Variants in EXTL3 observed in about 807,000 individuals in gnomAD.
EXTL3 encodes the protein exostosin-like 3.
In EXTL3, 27 loss-of-function variants were observed where a neutral mutation model predicts 69.3. That is an observed-to-expected ratio of 0.39 (90% confidence interval 0.29 to 0.54). EXTL3 has a LOEUF of 0.54. EXTL3 is among the 20% of genes least tolerant of loss of function. EXTL3 has a pLI of 0.69. For synonymous variants in EXTL3, 511 were observed against 499.4 expected, an observed-to-expected ratio of 1.02 and a Z score of -0.31; for missense variants, 1,003 against 1,231.8, an observed-to-expected ratio of 0.81 and a Z score of 2.78.
intron 2 of EXTL3, among the ~76,000 whole-genome samples, chr8:28,617,658 C>T (rs776571753): frequency 6.6e-6 from 1 of 152,176 alleles, no homozygotes; most frequent in Non-Finnish European, 1.5e-5. Context: ...ATGGCACATG[C>T]CTGTAGTCCC....
intron 6 of EXTL3, among the ~76,000 whole-genome samples, chr8:28,749,995 A>C (rs1053662908): frequency 5.3e-5 from 8 of 152,166 alleles, no homozygotes; most frequent in Middle Eastern, 3.2e-3. Flanking sequence ...ATTTCTTATT[A>C]CAGGCTCTGC....
chr8:28,654,195 A>T (rs1806970242), intron 1 of EXTL3, among the ~76,000 whole-genome samples: 2 of 152,214 alleles, frequency 1.3e-5, no homozygotes, highest in African/African-American at 4.8e-5. Context: ...AAGTTTAGCT[A>T]AAAAGGGAGA....
chr8:28,684,720 C>T (rs1807548543), intron 1 of EXTL3, among the ~76,000 whole-genome samples: 1 of 151,954 alleles, frequency 6.6e-6, no homozygotes, highest in Non-Finnish European at 1.5e-5. Flanking sequence ...GCAGCCTGGG[C>T]AACAGAGTGA....
Position 28,676,897 on chromosome 8 carries a change from G to A in EXTL3, c.-52-36560G>A, listed in dbSNP as rs565808951. On this transcript the variant is annotated intron_variant, in intron 1 of 6. Coordinates refer to the EXTL3 transcript ENST00000523149. ...TCGGATTCAGTAGGTCTGGGTGAGC[G>A]TGAGAACTGCATTTCAAATCTGGCT... Among the ~76,000 whole-genome samples, 10 of 152,170 alleles carry A rather than the reference G, an allele frequency of 6.6e-5. No homozygotes were observed. The South Asian group carries it at 1.0e-3, about 16-fold the overall frequency.
chr8:28,677,646 G>A lies in EXTL3; in HGVS notation c.-52-35811G>A, dbSNP rs117195186. 4.3e-3 allele frequency among the ~76,000 whole-genome samples: 657 copies of A among 152,210 alleles called. 2 individuals are homozygous for A. Among genetic ancestry groups the A allele is most frequent in the Middle Eastern group, 0.014 (4 of 294 alleles). ...ATTGTGAAGCACAAAGACACAGCTC[G>A]CTCTCCTCTGTTCACTAAAGCTGCT... On this transcript the variant is annotated intron_variant, in intron 1 of 6. Coordinates refer to the EXTL3 transcript ENST00000523149.
chr8:28,620,663 C>A (rs1420286655), upstream of EXTL3, among the ~76,000 whole-genome samples: 1 of 152,206 alleles, frequency 6.6e-6, no homozygotes, highest in Non-Finnish European at 1.5e-5. Flanking sequence ...GAAACAAAAA[C>A]ACTGTAATCA....
At position 28,751,153 on chromosome 8, in the gene EXTL3, G is replaced by A. The variant is rs1374053259; in HGVS notation, c.*287G>A. 4 of 459,672 alleles carry A rather than the reference G, an allele frequency of 8.7e-6. No homozygotes were observed. Among genetic ancestry groups the A allele is most frequent in the Admixed American group, 3.5e-5 (1 of 28,578 alleles). 28.5% of individuals were successfully genotyped at this position (459,672 alleles called of 1,614,324 possible). On this transcript the variant is annotated 3_prime_UTR_variant, in exon 7 of 7. Transcript: ENST00000220562. ...GCAGAGTCACTCACACCGTTCGTAC[G>A]CCCAGGACAGCTGGTTCGTGGTTTT...
At chr8:28,740,194 G>A (rs1182459626) in intron 5 of EXTL3, 2 of 152,224 alleles carry the variant, frequency 1.3e-5, no homozygotes, top group Non-Finnish European at 2.9e-5. Flanking sequence ...CCTGTCTGGG[G>A]CGTCATGGCG....
chr8:28,698,842 A>G (rs1358238563), upstream of EXTL3, among the ~76,000 whole-genome samples: 1 of 152,142 alleles, frequency 6.6e-6, no homozygotes, highest in South Asian at 2.1e-4. Context: ...AAAAATACAA[A>G]AATTAGCTGG....
intron 1 of EXTL3, among the ~76,000 whole-genome samples, chr8:28,645,480 A>ACC (rs1806813668): frequency 2.0e-5 from 3 of 152,246 alleles, no homozygotes; most frequent in Non-Finnish European, 4.4e-5. Flanking sequence ...TTAATTGGAA[A>ACC]ACCTGAGCTA....
intron 1 of EXTL3, among the ~76,000 whole-genome samples, chr8:28,709,143 A>C (rs182512746): frequency 1.3e-5 from 2 of 152,292 alleles, no homozygotes; most frequent in Admixed American, 1.3e-4. Flanking sequence ...GTTTGAATTC[A>C]AGTTTTACCA....
intron 1 of EXTL3, among the ~76,000 whole-genome samples, chr8:28,662,058 T>C (rs1807125181): frequency 1.3e-5 from 2 of 151,888 alleles, no homozygotes; most frequent in East Asian, 1.9e-4. Context: ...TGTATAGATG[T>C]ATGTGTATAT....
chr8:28,647,588 C>T (rs1220203253), intron 1 of EXTL3, among the ~76,000 whole-genome samples: 1 of 152,024 alleles, frequency 6.6e-6, no homozygotes. Flanking sequence ...CCCAGGCTGT[C>T]TGTCTCTAAA....
chr8:28,755,215 T>G lies in EXTL3; in HGVS notation c.*4349T>G, dbSNP rs1802093997. The G allele has an allele frequency of 6.6e-6, 1 of 152,294 alleles. No individual in the cohort carries two copies. Among genetic ancestry groups the G allele is most frequent in the African/African-American group, 2.4e-5 (1 of 41,456 alleles). The allele number at this position is 152,294 out of a possible 1,614,324, so 9.4% of individuals were successfully genotyped here. A position where few individuals can be genotyped will look rare whatever the true frequency, so the allele number is the denominator to read the frequency against. Reference sequence around the variant, plus strand: ...GGCTCTTTCTGCCTTCCGCTAGGTTTGAGCGCCAGCGCCTGGCTGAGTGCC... The same window carrying G: ...GGCTCTTTCTGCCTTCCGCTAGGTTGGAGCGCCAGCGCCTGGCTGAGTGCC... On this transcript the variant is annotated 3_prime_UTR_variant, in exon 7 of 7. Coordinates refer to ENST00000220562, the MANE Select transcript of EXTL3 (RefSeq NM_001440.4).
At chr8:28,720,292 G>A (rs1428918425) in intron 3 of EXTL3, among the ~76,000 whole-genome samples, 2 of 152,090 alleles carry the variant, frequency 1.3e-5, no homozygotes, top group Admixed American at 6.6e-5. Context: ...AATTCAATAC[G>A]CTAAGGTTAA....
chr8:28,750,639 T>G lies in EXTL3; in HGVS notation c.2551-18T>G. On this transcript the variant is annotated intron_variant, in intron 6 of 6. Transcript: ENST00000220562. The surrounding 1 kb of genome is among the most constrained non-coding windows in gnomAD (Gnocchi z 5.2). Reference sequence around the variant, plus strand: ...TATTAGCTGGGATTCCCACTCTGTCTCTCTCTCCCGTTTCCAGGTGACCTC... The same window carrying G: ...TATTAGCTGGGATTCCCACTCTGTCGCTCTCTCCCGTTTCCAGGTGACCTC... 1.9e-6 allele frequency: 3 copies of G among 1,607,498 alleles called. No individual in the cohort carries two copies. The highest frequency in any genetic ancestry group is 2.6e-6 in the Non-Finnish European group (3 of 1,174,060).
At position 28,752,254 on chromosome 8, in the gene EXTL3, G is replaced by T. The variant is rs1201137756; in HGVS notation, c.*1388G>T. Reference sequence around the variant, plus strand: ...AAATAAGCTAATTTTTTGGGTCACGGTGGCAGTAGGGGAACCTAGGAGGGT... The same window carrying T: ...AAATAAGCTAATTTTTTGGGTCACGTTGGCAGTAGGGGAACCTAGGAGGGT... On this transcript the variant is annotated 3_prime_UTR_variant, in exon 7 of 7. Coordinates refer to ENST00000220562, the MANE Select transcript of EXTL3 (RefSeq NM_001440.4). The T allele has an allele frequency of 6.6e-6, 1 of 152,524 alleles. No homozygotes were observed. Among genetic ancestry groups the T allele is most frequent in the Non-Finnish European group, 1.5e-5 (1 of 68,034 alleles). 9.4% of individuals were successfully genotyped at this position (152,524 alleles called of 1,614,324 possible).
Position 28,716,418 on chromosome 8 carries a change from G to A in EXTL3, c.359G>A (p.Ser120Asn), listed in dbSNP as rs1327939171. The A allele has an allele frequency of 5.0e-6, 8 of 1,613,780 alleles. No homozygotes were observed. Among genetic ancestry groups the A allele is most frequent in the Non-Finnish European group, 5.9e-6 (7 of 1,179,962 alleles). The change falls in exon 3 of 7, where the codon AGC becomes AAC. Residue 120 changes from serine (S) to asparagine (N), a missense_variant. Coordinates refer to ENST00000220562, the MANE Select transcript of EXTL3 (RefSeq NM_001440.4). The surrounding 1 kb of genome is among the most constrained non-coding windows in gnomAD (Gnocchi z 7.1). Reference protein sequence around the residue: ...LNLKIEACKKSIENAKQDLLQ... With the variant: ...LNLKIEACKKNIENAKQDLLQ... ...CTGAAGATCGAAGCCTGTAAGAAGA[G>A]CATTGAGAACGCCAAGCAGGACCTG... is the stretch of plus-strand genomic sequence containing the variant.
At chr8:28,748,723 C>A (rs141326466) in intron 6 of EXTL3, among the ~76,000 whole-genome samples, 2 of 152,302 alleles carry the variant, frequency 1.3e-5, no homozygotes, top group East Asian at 3.9e-4. Flanking sequence ...TTATTTTAAC[C>A]TTGACTCTGA....
Sources: allele counts gnomAD v4.1 joint callset (sites outside exome capture counted in the v4.1 genomes callset), GRCh38; gene constraint gnomAD v4.1.1; non-coding constraint Gnocchi (gnomAD v3.1); transcripts MANE v1.5; gene names NCBI Gene and HGNC (gene_info 2026-07-23, HGNC 2026-07-21).